UBTD1: variants seen among roughly 807,000 people sequenced by gnomAD.
UBTD1 encodes ubiquitin domain containing 1, also known as ubiquitin domain-containing protein 1.
UBTD1 carries 19 observed loss-of-function variants against 21.7 expected under a neutral mutation model. The observed-to-expected ratio is 0.87, with a 90% CI of 0.61 to 1.28. The LOEUF is 1.28. Ranked by LOEUF, UBTD1 falls within the 50% of genes most tolerant of loss-of-function variation. The pLI is 0.00. For synonymous variants in UBTD1, 116 were observed against 135.1 expected, an observed-to-expected ratio of 0.86 and a Z score of 0.98; for missense variants, 282 against 315.1, an observed-to-expected ratio of 0.89 and a Z score of 0.80.
intron 1 of UBTD1, among the ~76,000 whole-genome samples, chr10:97,557,549 CTTA>C: frequency 6.6e-6 from 1 of 152,160 alleles, no homozygotes; most frequent in East Asian, 1.9e-4. Context: ...GACAGATATA[CTTA>C]TTTTTTTTTA....
rs1377208587 is a variant in UBTD1 at position 97,527,163 on chromosome 10, CTT to C, written c.70+27891_70+27892del. ...CCAGCCTAGGCAACAAAGCGAAACT[CTT>C]GTCTCCAAAAAAAAAAAAAAAAAAA... On this transcript the variant is annotated intron_variant, in intron 1 of 2. Transcript: ENST00000370664. 6.5e-5 allele frequency among the ~76,000 whole-genome samples: 6 copies of C among 91,618 alleles called. No homozygotes were observed. In the Admixed American group the frequency reaches 1.1e-3, roughly 16 times the overall value. The allele number at this position is 91,618 out of a possible 152,430, so 60.1% of individuals were successfully genotyped here. A position where few individuals can be genotyped will look rare whatever the true frequency, so the allele number is the denominator to read the frequency against.
chr10:97,515,475 C>A, intron 1 of UBTD1, among the ~76,000 whole-genome samples: 1 of 152,114 alleles, frequency 6.6e-6, no homozygotes, highest in Non-Finnish European at 1.5e-5. Context: ...TCCTTGATTG[C>A]AAGTAACAGA....
At chr10:97,501,886 C>T (rs1006197892) in intron 1 of UBTD1, among the ~76,000 whole-genome samples, 20 of 152,184 alleles carry the variant, frequency 1.3e-4, no homozygotes, top group Non-Finnish European at 2.5e-4. Context: ...ACACACACCC[C>T]GTGGAAGTGA....
intron 1 of UBTD1, among the ~76,000 whole-genome samples, chr10:97,513,895 A>G (rs1030248568): frequency 6.6e-6 from 1 of 152,082 alleles, no homozygotes; most frequent in Non-Finnish European, 1.5e-5. Flanking sequence ...TATTTTTTAT[A>G]GAGATGGGGT....
Position 97,499,123 on chromosome 10 carries a change from A to G in UBTD1, c.-81A>G, listed in dbSNP as rs1261339532. 1.9e-5 allele frequency: 27 copies of G among 1,432,648 alleles called. No homozygotes were observed. In the East Asian group the frequency reaches 3.0e-4, roughly 16 times the overall value. The allele number at this position is 1,432,648 out of a possible 1,614,324, so 88.7% of individuals were successfully genotyped here. A position where few individuals can be genotyped will look rare whatever the true frequency, so the allele number is the denominator to read the frequency against. On this transcript the variant is annotated 5_prime_UTR_variant, in exon 1 of 3. Transcript: ENST00000370664. ...CGCCCGATGCCGGGCGGCCGGAGCC[A>G]TTGACCCGGGACGCCGCCGTCCGCT...
intron 1 of UBTD1, among the ~76,000 whole-genome samples, chr10:97,552,527 T>C (rs183814948): frequency 5.1e-4 from 77 of 151,384 alleles, no homozygotes; most frequent in African/African-American, 1.8e-3. Flanking sequence ...TCCCAAGTAG[T>C]TGGGACTGCA....
Position 97,516,770 on chromosome 10 carries a change from C to CA in UBTD1, c.70+17509dup, listed in dbSNP as rs879561571. Among the ~76,000 whole-genome samples, 510 of 140,190 alleles carry CA rather than the reference C, an allele frequency of 3.6e-3. 2 individuals are homozygous for CA. Among genetic ancestry groups the CA allele is most frequent in the Non-Finnish European group, 5.5e-3 (355 of 64,040 alleles). 92.0% of individuals were successfully genotyped at this position (140,190 alleles called of 152,430 possible). A position where few individuals can be genotyped will look rare whatever the true frequency, so the allele number is the denominator to read the frequency against. On this transcript the variant is annotated intron_variant, in intron 1 of 2. Coordinates refer to ENST00000370664, the MANE Select transcript of UBTD1 (RefSeq NM_024954.5). ...TGGGCAACAGAGTGAGACTCTGTCT[C>CA]AAAAAAAAAAAAGAAACCCATCTCC...
At chr10:97,541,630 T>C (rs1027201511) in intron 1 of UBTD1, among the ~76,000 whole-genome samples, 1 of 151,964 alleles carries the variant, frequency 6.6e-6, no homozygotes, top group Non-Finnish European at 1.5e-5. Flanking sequence ...ATATTATTGC[T>C]CCCATTTTAT....
At chr10:97,542,524 T>C (rs1315204062) in intron 1 of UBTD1, among the ~76,000 whole-genome samples, 1 of 152,200 alleles carries the variant, frequency 6.6e-6, no homozygotes, top group African/African-American at 2.4e-5. Flanking sequence ...AAAGAGGCCT[T>C]CATGTTCCCA....
rs546174002 is a variant in UBTD1 at position 97,569,331 on chromosome 10, G to A, written c.299-807G>A. Among the ~76,000 whole-genome samples the A allele has an allele frequency of 3.9e-5, 6 of 152,328 alleles. No individual in the cohort carries two copies. In the South Asian group the frequency reaches 1.2e-3, roughly 32 times the overall value. ...ATAAACATATTTCTCCATGCATTAC[G>A]TTTTGCCAGTAAGGACACTAAGGCC... On this transcript the variant is annotated intron_variant, in intron 2 of 2. Coordinates refer to ENST00000370664, the MANE Select transcript of UBTD1 (RefSeq NM_024954.5).
intron 1 of UBTD1, among the ~76,000 whole-genome samples, chr10:97,563,332 C>T (rs2040701943): frequency 6.6e-6 from 1 of 152,124 alleles, no homozygotes; most frequent in Admixed American, 6.5e-5. Context: ...TAAAAACACT[C>T]TTCATTTAAA....
Position 97,521,397 on chromosome 10 carries a change from C to T in UBTD1, c.70+22124C>T, listed in dbSNP as rs549987564. Among the ~76,000 whole-genome samples, 7 of 152,298 alleles carry T rather than the reference C, an allele frequency of 4.6e-5. No individual in the cohort carries two copies. In the South Asian group the frequency reaches 1.5e-3, roughly 32 times the overall value. ...TTCTGTTCCCCCTGAGGGAGATCTC[C>T]TTTCCCAAAGGAGAGTGGTCTGACG... is the stretch of plus-strand genomic sequence containing the variant. On this transcript the variant is annotated intron_variant, in intron 1 of 2. Coordinates refer to ENST00000370664, the MANE Select transcript of UBTD1 (RefSeq NM_024954.5).
chr10:97,564,704 C>T (rs2040709407), intron 1 of UBTD1, among the ~76,000 whole-genome samples: 1 of 152,170 alleles, frequency 6.6e-6, no homozygotes, highest in Non-Finnish European at 1.5e-5. Flanking sequence ...GCTGGGATTA[C>T]AGGTGCCTGC....
At chr10:97,545,899 C>G (rs1177052026) in intron 1 of UBTD1, among the ~76,000 whole-genome samples, 1 of 152,214 alleles carries the variant, frequency 6.6e-6, no homozygotes, top group Non-Finnish European at 1.5e-5. Flanking sequence ...TCACTGCAAC[C>G]TTAGCCCCAA....
intron 1 of UBTD1, 114 bp downstream of exon 1, chr10:97,499,387 C>A: frequency 7.7e-7 from 1 of 1,298,464 alleles, no homozygotes; most frequent in Non-Finnish European, 1.0e-6. Flanking sequence ...TGGGTTTCCC[C>A]GATGGGCTGC....
At chr10:97,528,070 C>CA (rs1404906266) in intron 1 of UBTD1, among the ~76,000 whole-genome samples, 5 of 134,548 alleles carry the variant, frequency 3.7e-5, no homozygotes, top group South Asian at 2.6e-4. Context: ...GCTGGCTGGG[C>CA]GGGGGGCTGA....
intron 1 of UBTD1, among the ~76,000 whole-genome samples, chr10:97,555,368 C>T (rs2040659029): frequency 6.6e-6 from 1 of 152,178 alleles, no homozygotes; most frequent in Non-Finnish European, 1.5e-5. Context: ...TGTCTCCTTT[C>T]TGTCCCTCAT....
intron 1 of UBTD1, 89 bp downstream of exon 1, chr10:97,499,362 A>G (rs970405251): frequency 7.0e-7 from 1 of 1,418,784 alleles, no homozygotes; most frequent in Admixed American, 2.5e-5. Context: ...TGGACTCCCC[A>G]CTGGTGCTGG....
At chr10:97,514,253 C>T (rs955912722) in intron 1 of UBTD1, among the ~76,000 whole-genome samples, 5 of 152,158 alleles carry the variant, frequency 3.3e-5, no homozygotes, top group African/African-American at 9.6e-5. Context: ...CTTTCATTAC[C>T]CACTGCATGA....
Sources: allele counts gnomAD v4.1 joint callset (sites outside exome capture counted in the v4.1 genomes callset), GRCh38; gene constraint gnomAD v4.1.1; transcripts MANE v1.5; gene names NCBI Gene and HGNC (gene_info 2026-07-23, HGNC 2026-07-21).